ASXL2: variants seen among roughly 807,000 people sequenced by gnomAD.
ASXL2 encodes the protein putative Polycomb group protein ASXL2.
Under a neutral mutation model 122.0 loss-of-function variants are expected in ASXL2, and 23 were observed. The observed-to-expected ratio is 0.19, with a 90% CI of 0.14 to 0.27. The LOEUF (loss-of-function observed/expected upper bound fraction) is 0.27. Among genes scored for constraint, ASXL2 ranks in the 10% least tolerant of loss-of-function variants. The probability of loss-of-function intolerance (pLI) is 1.00; values close to 1 mark genes in which losing one functional copy is unlikely to be tolerated. For synonymous variants in ASXL2, 650 were observed against 637.0 expected, an observed-to-expected ratio of 1.02 and a Z score of -0.31; for missense variants, 1,518 against 1,713.8, an observed-to-expected ratio of 0.89 and a Z score of 2.02.
intron 3 of ASXL2, among the ~76,000 whole-genome samples, chr2:25,813,470 A>G (rs1226754715): frequency 1.3e-5 from 2 of 152,244 alleles, no homozygotes; most frequent in Non-Finnish European, 2.9e-5. Context: ...AAGATTATAT[A>G]CAGTCTCATG....
In ASXL2 at chr2:25,743,573, C is replaced by T. The variant is rs757928113; in HGVS notation, c.2764G>A (p.Ala922Thr). 18 of 1,613,998 alleles carry T rather than the reference C, an allele frequency of 1.1e-5. No homozygotes were observed. Among genetic ancestry groups the T allele is most frequent in the Non-Finnish European group, 1.5e-5 (18 of 1,179,886 alleles). The stretch of plus-strand genomic sequence containing the variant: ...CCTGGGGTTTTAAGGCTAGAAGCTG[C>T]TGGCAAAGTGCTCGAGGGTGGAGCT... ...GSAPPSSTLP[A>T]ASSLKTPGTS... is the part of the protein sequence containing the mutation. The change falls in exon 13 of 13, where the codon GCA becomes ACA. Residue 922 changes from alanine (A) to threonine (T), a missense_variant. By Grantham distance (58) the Ala-to-Thr change is moderately conservative. Transcript: ENST00000435504.
At chr2:25,803,309 T>C (rs192426341) in intron 4 of ASXL2, among the ~76,000 whole-genome samples, 3 of 152,340 alleles carry the variant, frequency 2.0e-5, no homozygotes, top group East Asian at 1.9e-4. Flanking sequence ...ATATCCTTTA[T>C]AATAAATGGG....
intron 3 of ASXL2, among the ~76,000 whole-genome samples, chr2:25,817,383 T>G (rs2089250966): frequency 6.6e-6 from 1 of 152,200 alleles, no homozygotes; most frequent in South Asian, 2.1e-4. Flanking sequence ...TTTCCTCAAC[T>G]TCAGAGATCA....
At chr2:25,877,883 C>T (rs1465461300) in intron 1 of ASXL2, among the ~76,000 whole-genome samples, 1 of 152,228 alleles carries the variant, frequency 6.6e-6, no homozygotes, top group East Asian at 1.9e-4. Flanking sequence ...AGGGCTACCA[C>T]AGAGCGGAGG....
intron 3 of ASXL2, among the ~76,000 whole-genome samples, chr2:25,823,309 C>T (rs879831178): frequency 6.6e-6 from 1 of 152,206 alleles, no homozygotes; most frequent in Non-Finnish European, 1.5e-5. Flanking sequence ...ATAGGAAGCT[C>T]TCAGCTTACG....
intron 1 of ASXL2, among the ~76,000 whole-genome samples, chr2:25,855,214 T>C (rs1040970400): frequency 1.3e-5 from 2 of 151,960 alleles, no homozygotes; most frequent in African/African-American, 4.8e-5. Flanking sequence ...CACTAAACAG[T>C]GGAGAGGGTA....
chr2:25,750,325 AT>A lies in ASXL2; in HGVS notation c.1230del (p.Lys410AsnfsTer13). ...AGAGAGGCCTCTGACACAGGCATGGATTTTGGTTGTTCAGCTGGGGTTTTCT... is the reference window on the plus strand; with the variant it reads ...AGAGAGGCCTCTGACACAGGCATGGATTTGGTTGTTCAGCTGGGGTTTTCT... ...KVKKTPAEQP[K>X]SMPVSEASLI... On this transcript the variant is annotated frameshift_variant, in exon 12 of 13. Transcript: ENST00000435504. LOFTEE classifies it high-confidence loss of function. The A allele has an allele frequency of 6.2e-7, 1 of 1,613,956 alleles. No homozygotes were observed. The highest frequency in any genetic ancestry group is 8.5e-7 in the Non-Finnish European group (1 of 1,179,882).
Position 25,737,986 on chromosome 2 carries a change from A to G in ASXL2, c.*4043T>C, listed in dbSNP as rs1289221068. ...AAGGGAAAAAAATAGCTTGTGGTAAATAAGTCAATTTTCTTTTAAAATAAA... is the reference window on the plus strand; with the variant it reads ...AAGGGAAAAAAATAGCTTGTGGTAAGTAAGTCAATTTTCTTTTAAAATAAA... On this transcript the variant is annotated 3_prime_UTR_variant, in exon 13 of 13. Transcript: ENST00000435504. 1 of 152,164 alleles carries G rather than the reference A, an allele frequency of 6.6e-6. No homozygotes were observed. Among genetic ancestry groups the G allele is most frequent in the African/African-American group, 2.4e-5 (1 of 41,452 alleles). The allele number at this position is 152,164 out of a possible 1,614,324, so 9.4% of individuals were successfully genotyped here. A position where few individuals can be genotyped will look rare whatever the true frequency, so the allele number is the denominator to read the frequency against.
chr2:25,878,148 T>C lies in ASXL2; in HGVS notation c.57+18A>G. ...AACAAAATCCTCCCGGCCTTCCCCT[T>C]CGCTCCCTCCCCCTTACCGTCTTGG... On this transcript the variant is annotated intron_variant, in intron 1 of 12. Transcript: ENST00000435504. The C allele has an allele frequency of 6.2e-7, 1 of 1,613,712 alleles. No individual in the cohort carries two copies. Among genetic ancestry groups the C allele is most frequent in the Non-Finnish European group, 8.5e-7 (1 of 1,179,746 alleles).
At chr2:25,841,482 T>C (rs2089577621) in intron 2 of ASXL2, among the ~76,000 whole-genome samples, 1 of 152,142 alleles carries the variant, frequency 6.6e-6, no homozygotes. Flanking sequence ...TACCTTAACG[T>C]AAGGTACAGA....
chr2:25,842,661 G>A lies in ASXL2; in HGVS notation c.140+2820C>T, dbSNP rs147779588. On this transcript the variant is annotated intron_variant, in intron 2 of 12. Coordinates refer to ENST00000435504, the MANE Select transcript of ASXL2 (RefSeq NM_018263.6). ...AGCCACTGCGCCCAGCCCACAAAAGGTACTTTTAAAAGCTAATTCTTCAAG... is the reference window on the plus strand; with the variant it reads ...AGCCACTGCGCCCAGCCCACAAAAGATACTTTTAAAAGCTAATTCTTCAAG... Among the ~76,000 whole-genome samples, 242 of 150,006 alleles carry A rather than the reference G, an allele frequency of 1.6e-3. 2 individuals are homozygous for A. The highest frequency in any genetic ancestry group is 4.9e-3 in the African/African-American group (198 of 40,650).
Position 25,733,891 on chromosome 2 carries a change from GAA to G in ASXL2, c.*8136_*8137del, listed in dbSNP as rs1480265903. The G allele has an allele frequency of 2.6e-5, 4 of 152,320 alleles. No individual in the cohort carries two copies. The highest frequency in any genetic ancestry group is 9.6e-5 in the African/African-American group (4 of 41,574). The allele number at this position is 152,320 out of a possible 1,614,324, so 9.4% of individuals were successfully genotyped here. On this transcript the variant is annotated 3_prime_UTR_variant, in exon 13 of 13. Coordinates refer to ENST00000435504, the MANE Select transcript of ASXL2 (RefSeq NM_018263.6). ...GAAACAGCCTAAAAGTGACAGGAAAGAAGACAATAGTGAGGAGCTAAAAGGCA... is the reference window on the plus strand; with the variant it reads ...GAAACAGCCTAAAAGTGACAGGAAAGGACAATAGTGAGGAGCTAAAAGGCA...
intron 2 of ASXL2, chr2:25,845,146 A>G: frequency 7.3e-6 from 2 of 275,128 alleles, no homozygotes; most frequent in East Asian, 1.8e-4. Context: ...CCTGTATGAG[A>G]GTAATTTTTA....
At chr2:25,773,833 C>T (rs969825520) in intron 5 of ASXL2, among the ~76,000 whole-genome samples, 72 of 151,576 alleles carry the variant, frequency 4.8e-4, no homozygotes, top group Non-Finnish European at 7.8e-4. Context: ...GAGTTCAAGA[C>T]CAGCCTGGCC....
intron 5 of ASXL2, among the ~76,000 whole-genome samples, chr2:25,793,740 A>G (rs2088870759): frequency 6.6e-6 from 1 of 152,156 alleles, no homozygotes; most frequent in South Asian, 2.1e-4. Flanking sequence ...GAGGTAATGG[A>G]TCCTTTTTAG....
intron 5 of ASXL2, among the ~76,000 whole-genome samples, 182 bp from the exon 6 acceptor site, chr2:25,771,722 C>G (rs560504727): frequency 4.6e-5 from 7 of 152,200 alleles, no homozygotes; most frequent in African/African-American, 1.7e-4. Context: ...TCAGAAAGTT[C>G]TAATGAAGGA....
At chr2:25,823,122 G>A (rs1018913829) in intron 3 of ASXL2, among the ~76,000 whole-genome samples, 3 of 152,128 alleles carry the variant, frequency 2.0e-5, no homozygotes, top group African/African-American at 7.2e-5. Flanking sequence ...GGGTTGATAT[G>A]TACCATTGTA....
At chr2:25,857,276 G>A (rs1053776234) in intron 1 of ASXL2, among the ~76,000 whole-genome samples, 4 of 152,044 alleles carry the variant, frequency 2.6e-5, no homozygotes, top group Non-Finnish European at 4.4e-5. Flanking sequence ...GAAGTGACAC[G>A]TATTACTTCT....
At chr2:25,772,139 C>G (rs952644045) in intron 5 of ASXL2, among the ~76,000 whole-genome samples, 3 of 152,232 alleles carry the variant, frequency 2.0e-5, no homozygotes, top group East Asian at 1.9e-4. Context: ...CAGAGTTTAG[C>G]CAGATCTGAG....
Sources: allele counts gnomAD v4.1 joint callset (sites outside exome capture counted in the v4.1 genomes callset), GRCh38; gene constraint gnomAD v4.1.1; transcripts MANE v1.5; gene names NCBI Gene and HGNC (gene_info 2026-07-23, HGNC 2026-07-21).